USH2A: variants seen among roughly 807,000 people sequenced by gnomAD.
USH2A encodes usherin.
USH2A carries 443 observed loss-of-function variants against 538.9 expected under a neutral mutation model. That is an observed-to-expected ratio of 0.82 (90% confidence interval 0.76 to 0.89). USH2A has a LOEUF of 0.89. USH2A is among the 40% of genes least tolerant of loss of function. USH2A has a pLI of 0.00. For synonymous variants in USH2A, 2,413 were observed against 2,273.5 expected (o/e 1.06, Z -1.75); for missense variants, 6,633 against 6,324.8 (o/e 1.05, Z -1.65).
intron 55 of USH2A, among the ~76,000 whole-genome samples, chr1:215,768,227 T>C (rs112324416): frequency 2.6e-3 from 392 of 152,348 alleles, no homozygotes; most frequent in African/African-American, 9.3e-3. Flanking sequence ...TGATGTTTGC[T>C]GTGTCTCTTG....
intron 36 of USH2A, 83 bp from the exon 37 acceptor site, chr1:215,965,562 CT>C: frequency 2.0e-6 from 3 of 1,527,260 alleles, no homozygotes; most frequent in Non-Finnish European, 2.7e-6. Context: ...CAAAGAATCT[CT>C]TTTTGCTGTG....
intron 40 of USH2A, among the ~76,000 whole-genome samples, chr1:215,897,670 T>TA (rs1367276917): frequency 6.7e-6 from 1 of 149,266 alleles, no homozygotes; most frequent in Non-Finnish European, 1.5e-5. Flanking sequence ...GCCTGGGCGA[T>TA]AGAGTGAAAC....
chr1:215,683,603 T>C (rs1658315254), intron 61 of USH2A, among the ~76,000 whole-genome samples: 1 of 152,176 alleles, frequency 6.6e-6, no homozygotes, highest in Admixed American at 6.5e-5. Flanking sequence ...TTGGATTCAG[T>C]TCCTTCCTTT....
chr1:215,759,547 T>C (rs932626771), intron 57 of USH2A, 113 bp downstream of exon 57: 8 of 1,315,196 alleles, frequency 6.1e-6, no homozygotes, highest in Admixed American at 1.9e-5. Context: ...GGCCAATGAA[T>C]GAGGAAGTTA....
At chr1:216,267,791 A>G (rs1286151806) in intron 11 of USH2A, among the ~76,000 whole-genome samples, 1 of 152,090 alleles carries the variant, frequency 6.6e-6, no homozygotes, top group Admixed American at 6.6e-5. Flanking sequence ...TTCCCAGTGT[A>G]CCATACACTC....
chr1:216,135,363 A>T (rs1041517973), intron 21 of USH2A, among the ~76,000 whole-genome samples: 1 of 152,118 alleles, frequency 6.6e-6, no homozygotes, highest in Non-Finnish European at 1.5e-5. Context: ...AAGCTATTAT[A>T]TAATATTTTG....
intron 38 of USH2A, among the ~76,000 whole-genome samples, chr1:215,914,540 A>G (rs753268140): frequency 7.9e-5 from 12 of 152,150 alleles, no homozygotes; most frequent in South Asian, 2.1e-4. Flanking sequence ...GTTGTCTTAC[A>G]TCATTATTTA....
chr1:216,347,391 A>C (rs2038198795), intron 4 of USH2A, among the ~76,000 whole-genome samples: 1 of 152,072 alleles, frequency 6.6e-6, no homozygotes, highest in Admixed American at 6.6e-5. Flanking sequence ...TGTGATATCC[A>C]GTGTTTTAAA....
intron 30 of USH2A, among the ~76,000 whole-genome samples, chr1:216,067,385 T>C (rs1024317450): frequency 6.6e-6 from 1 of 151,348 alleles, no homozygotes; most frequent in Non-Finnish European, 1.5e-5. Flanking sequence ...CTGCACATTC[T>C]GCACATGTAT....
chr1:215,812,908 T>C lies in USH2A; in HGVS notation c.9739+828A>G, dbSNP rs150154392. Among the ~76,000 whole-genome samples the C allele has an allele frequency of 3.4e-3, 519 of 152,324 alleles. 3 individuals are homozygous for C. The highest frequency in any genetic ancestry group is 0.012 in the African/African-American group (509 of 41,588). ...CATAGATTTAGGAGAGACATACTTA[T>C]ATTCACATTTTAGTTCTTTCACTTC... On this transcript the variant is annotated intron_variant, in intron 49 of 71. Coordinates refer to ENST00000307340, the MANE Select transcript of USH2A (RefSeq NM_206933.4).
Position 216,171,548 on chromosome 1 carries a change from T to C in USH2A, c.4627+3704A>G, listed in dbSNP as rs544600585. ...TTTATAACTGCAGAATACTCTCACT[T>C]AGGAAAGCTCCTGTCTCATAGTAGG... On this transcript the variant is annotated intron_variant, in intron 21 of 71. Coordinates refer to ENST00000307340, the MANE Select transcript of USH2A (RefSeq NM_206933.4). 1.1e-3 allele frequency among the ~76,000 whole-genome samples: 168 copies of C among 152,194 alleles called. 4 individuals are homozygous for C. The highest frequency in any genetic ancestry group is 4.4e-3 in the East Asian group (23 of 5,188).
intron 8 of USH2A, among the ~76,000 whole-genome samples, chr1:216,322,368 T>G (rs899321308): frequency 2.0e-5 from 3 of 151,874 alleles, no homozygotes; most frequent in Non-Finnish European, 4.4e-5. Context: ...GTTGGGAGAC[T>G]CAGGCGGGTA....
intron 4 of USH2A, among the ~76,000 whole-genome samples, chr1:216,337,263 TA>T (rs2037991799): frequency 6.6e-6 from 1 of 151,360 alleles, no homozygotes; most frequent in East Asian, 1.9e-4. Context: ...TTAATCCTCA[TA>T]AAAACACTAT....
intron 61 of USH2A, among the ~76,000 whole-genome samples, chr1:215,705,726 A>G (rs1659163574): frequency 6.6e-6 from 1 of 152,226 alleles, no homozygotes; most frequent in Non-Finnish European, 1.5e-5. Flanking sequence ...GGTAGGGGGC[A>G]GCCAAAACAC....
intron 67 of USH2A, among the ~76,000 whole-genome samples, chr1:215,644,753 C>A (rs1458165311): frequency 6.6e-6 from 1 of 152,150 alleles, no homozygotes; most frequent in Non-Finnish European, 1.5e-5. Context: ...GGATTTTCAT[C>A]CAGTGCTGAG....
chr1:216,060,993 G>C (rs2031160761), intron 30 of USH2A, among the ~76,000 whole-genome samples: 1 of 152,164 alleles, frequency 6.6e-6, no homozygotes, highest in South Asian at 2.1e-4. Context: ...ACACAGGAGT[G>C]ATAACTGAAG....
At chr1:216,319,480 T>G (rs998325756) in intron 9 of USH2A, among the ~76,000 whole-genome samples, 1 of 152,170 alleles carries the variant, frequency 6.6e-6, no homozygotes, top group Admixed American at 6.6e-5. Flanking sequence ...GCAAAGACTC[T>G]AGGCATTAGA....
chr1:216,368,878 G>A (rs2038649446), intron 3 of USH2A, among the ~76,000 whole-genome samples: 1 of 152,258 alleles, frequency 6.6e-6, no homozygotes. Context: ...AGGAAGAGCA[G>A]TTTTATTAAT....
intron 21 of USH2A, among the ~76,000 whole-genome samples, chr1:216,110,976 A>G (rs928038145): frequency 6.6e-6 from 1 of 152,202 alleles, no homozygotes; most frequent in Non-Finnish European, 1.5e-5. Context: ...CTGTAATCCC[A>G]GCACTTTGGG....
Sources: gnomAD v4.1 joint callset for allele counts (sites outside exome capture counted in the v4.1 genomes callset) on GRCh38, gnomAD v4.1.1 for gene constraint, MANE v1.5 for transcripts, NCBI Gene and HGNC (gene_info 2026-07-23, HGNC 2026-07-21) for gene names.